Variants in PIR observed in about 807,000 individuals in gnomAD.
PIR encodes pirin, also known as pirin (iron-binding nuclear protein).
A neutral mutation model predicts 24.2 loss-of-function variants in PIR; 22 were observed. That is an observed-to-expected ratio of 0.91 (90% CI 0.65 to 1.30). The LOEUF is 1.30. Among genes scored for constraint, PIR ranks in the 50% most tolerant of loss-of-function variants. The pLI is 0.00. For missense variants in PIR, 220 were observed against 220.3 expected (o/e 1.00, Z 0.01); for synonymous variants, 80 against 79.6 (o/e 1.00, Z -0.03).
intron 7 of PIR, among the ~76,000 whole-genome samples, chrX:15,403,027 G>C (rs1037153133): frequency 1.8e-5 from 2 of 111,802 alleles, no homozygotes; most frequent in Non-Finnish European, 3.8e-5. Context: ...AGGCAGACCA[G>C]GGAGGAGCGG....
At chrX:15,417,915 T>C (rs1430500512) in intron 6 of PIR, among the ~76,000 whole-genome samples, 2 of 111,752 alleles carry the variant, frequency 1.8e-5, no homozygotes, top group African/African-American at 6.5e-5. Context: ...TCAGCAGCAT[T>C]AACTTAGTCA....
intron 3 of PIR, among the ~76,000 whole-genome samples, chrX:15,466,850 A>G (rs906353117): frequency 8.9e-6 from 1 of 111,829 alleles, no homozygotes; most frequent in African/African-American, 3.3e-5. Context: ...AAGAAAGGCC[A>G]CCTCCAACCA....
At chrX:15,462,547 A>T (rs928792831) in intron 3 of PIR, among the ~76,000 whole-genome samples, 1 of 112,575 alleles carries the variant, frequency 8.9e-6, no homozygotes, top group Admixed American at 9.4e-5. Context: ...GCTGTTTTAC[A>T]CAAACAAAAT....
At chrX:15,492,538 G>T (rs757336920) in intron 1 of PIR, among the ~76,000 whole-genome samples, 1 of 111,693 alleles carries the variant, frequency 9.0e-6, no homozygotes, top group East Asian at 2.8e-4. Context: ...TTCCTTCAAA[G>T]ATTCCTACTG....
At chrX:15,405,167 C>T (rs1924516302) in intron 7 of PIR, among the ~76,000 whole-genome samples, 1 of 111,798 alleles carries the variant, frequency 8.9e-6, no homozygotes, top group Admixed American at 9.5e-5. Flanking sequence ...GGCAATTACT[C>T]GTTAATTTCT....
chrX:15,471,716 T>C (rs1387084288), intron 3 of PIR, among the ~76,000 whole-genome samples: 2 of 112,077 alleles, frequency 1.8e-5, no homozygotes, highest in African/African-American at 6.5e-5. Context: ...CCCAGATCCT[T>C]CTGTTAGAAG....
At chrX:15,414,340 A>G (rs1265753024) in intron 6 of PIR, among the ~76,000 whole-genome samples, 1 of 112,636 alleles carries the variant, frequency 8.9e-6, no homozygotes, top group Non-Finnish European at 1.9e-5. Context: ...AAAGTAATAT[A>G]TGCTACTACT....
rs1043085277 is a variant in PIR at position 15,406,787 on chromosome X, G to T, written c.610+719C>A. The stretch of plus-strand genomic sequence containing the variant: ...CTCTGCAAGCCCCTCTCTCCCACCC[G>T]CTCTGTCCCTTCTGCTGCTGGGTTC... On this transcript the variant is annotated intron_variant, in intron 7 of 9. Transcript: ENST00000380420. Among the ~76,000 whole-genome samples the T allele has an allele frequency of 2.7e-5, 3 of 111,697 alleles. No individual in the cohort carries two copies. In the East Asian group the frequency reaches 8.5e-4, roughly 32 times the overall value.
intron 5 of PIR, among the ~76,000 whole-genome samples, chrX:15,445,088 T>C (rs994654551): frequency 2.8e-4 from 29 of 104,329 alleles, no homozygotes; most frequent in Non-Finnish European, 4.9e-4. Flanking sequence ...GAATAACACG[T>C]GGGGGTGGGA....
At chrX:15,428,705 C>T (rs1192290988) in intron 5 of PIR, among the ~76,000 whole-genome samples, 3 of 110,681 alleles carry the variant, frequency 2.7e-5, no homozygotes, top group Non-Finnish European at 5.7e-5. Context: ...GATGGGATTT[C>T]GCCATGTTGC....
intron 3 of PIR, among the ~76,000 whole-genome samples, chrX:15,475,938 T>C (rs189504885): frequency 8.9e-6 from 1 of 112,428 alleles, no homozygotes; most frequent in Non-Finnish European, 1.9e-5. Flanking sequence ...AGAAAATATA[T>C]AGCTATTCAA....
chrX:15,440,871 C>T (rs1282139861), intron 5 of PIR, among the ~76,000 whole-genome samples: 3 of 111,111 alleles, frequency 2.7e-5, no homozygotes, highest in Non-Finnish European at 5.7e-5. Context: ...TATGGATACA[C>T]GGTTTTGTTC....
chrX:15,417,867 C>G (rs748722193), intron 6 of PIR, among the ~76,000 whole-genome samples: 3 of 111,172 alleles, frequency 2.7e-5, no homozygotes, highest in Admixed American at 9.6e-5. Context: ...ATTTATGACA[C>G]AGGGTCCACC....
intron 5 of PIR, among the ~76,000 whole-genome samples, chrX:15,431,598 AT>A (rs1381638974): frequency 2.7e-5 from 3 of 109,110 alleles, no homozygotes; most frequent in South Asian, 3.9e-4. Flanking sequence ...ATTGTTGCAC[AT>A]TTTTTTTCCT....
At chrX:15,458,665 C>T (rs963392487) in intron 4 of PIR, among the ~76,000 whole-genome samples, 5 of 112,003 alleles carry the variant, frequency 4.5e-5, no homozygotes, top group South Asian at 3.7e-4. Context: ...TACTACTTAT[C>T]GCAAAGAGAT....
At chrX:15,490,110 T>TTAGC (rs1923075295) in intron 2 of PIR, among the ~76,000 whole-genome samples, 1 of 111,703 alleles carries the variant, frequency 9.0e-6, no homozygotes, top group African/African-American at 3.3e-5. Flanking sequence ...AATATGTTAA[T>TTAGC]TAGCTTGATT....
At chrX:15,492,128 G>A (rs1021795491) in intron 1 of PIR, among the ~76,000 whole-genome samples, 5 of 109,372 alleles carry the variant, frequency 4.6e-5, no homozygotes, top group African/African-American at 1.7e-4. Flanking sequence ...TTTGTGTGGC[G>A]CCTTAGAGAA....
intron 3 of PIR, among the ~76,000 whole-genome samples, chrX:15,463,224 T>C (rs1188527048): frequency 2.7e-5 from 3 of 111,847 alleles, no homozygotes; most frequent in African/African-American, 9.8e-5. Flanking sequence ...ATAAGCCACC[T>C]TCTCCAGTAT....
intron 5 of PIR, among the ~76,000 whole-genome samples, chrX:15,433,982 AGCAGGAGGAGGAG>A (rs1449626235): frequency 1.6e-4 from 8 of 49,634 alleles, no homozygotes; most frequent in African/African-American, 3.7e-4. Flanking sequence ...GGAAGGAGAA[AGCAGGAGGAGGAG>A]GAAGGAGAAA....
Sources: gnomAD v4.1 joint callset for allele counts (sites outside exome capture counted in the v4.1 genomes callset) on GRCh38, gnomAD v4.1.1 for gene constraint, MANE v1.5 for transcripts, NCBI Gene and HGNC (gene_info 2026-07-23, HGNC 2026-07-21) for gene names.